ANK2: variants seen among roughly 807,000 people sequenced by gnomAD.
ANK2 encodes the protein ankyrin-2.
A neutral mutation model predicts 360.5 loss-of-function variants in ANK2; 83 were observed. The ratio of observed to expected loss-of-function variants is 0.23; its 90% CI spans 0.19 to 0.28. The LOEUF (loss-of-function observed/expected upper bound fraction) is 0.28. Among genes scored for constraint, ANK2 ranks in the 10% least tolerant of loss-of-function variants. ANK2 has a pLI of 1.00. For missense variants in ANK2, 4,201 were observed against 4,795.7 expected, an observed-to-expected ratio of 0.88 and a Z score of 3.66; for synonymous variants, 1,740 against 1,759.5, an observed-to-expected ratio of 0.99 and a Z score of 0.28.
chr4:113,228,886 T>G (rs1053903798), intron 4 of ANK2, among the ~76,000 whole-genome samples: 3 of 152,156 alleles, frequency 2.0e-5, no homozygotes. Context: ...CTTTGATGGG[T>G]AAATCATGAC....
chr4:113,125,361 C>T (rs2095601755), intron 1 of ANK2, among the ~76,000 whole-genome samples: 1 of 152,016 alleles, frequency 6.6e-6, no homozygotes, highest in African/African-American at 2.4e-5. Flanking sequence ...GCGTTTGAAA[C>T]AAAGTTTAGC....
At chr4:113,140,286 ATTAAT>A (rs141085138) in intron 1 of ANK2, among the ~76,000 whole-genome samples, 15,806 of 152,216 alleles carry the variant, frequency 0.1, 1,002 homozygotes, top group Non-Finnish European at 0.15. Context: ...ATAACCAAAG[ATTAAT>A]TTAATTAGAT....
the ANK2 span, among the ~76,000 whole-genome samples, chr4:112,757,813 A>C: frequency 2.0e-4 from 30 of 152,196 alleles, no homozygotes; most frequent in Non-Finnish European, 2.9e-5. Context: ...CTGTGGATTG[A>C]GAAGCGCTAT....
At chr4:112,877,257 TCAA>T (rs1373744936) in intron 1 of ANK2, among the ~76,000 whole-genome samples, 2 of 152,220 alleles carry the variant, frequency 1.3e-5, no homozygotes, top group African/African-American at 4.8e-5. Context: ...TCCTAAAATG[TCAA>T]CAACAACCAG....
chr4:113,063,977 G>A (rs1023193600), intron 1 of ANK2, among the ~76,000 whole-genome samples: 4 of 151,946 alleles, frequency 2.6e-5, no homozygotes, highest in African/African-American at 9.7e-5. Context: ...TTGAGTTGAC[G>A]TAAAACATCA....
intron 1 of ANK2, among the ~76,000 whole-genome samples, chr4:112,852,735 T>C (rs1195302291): frequency 6.6e-6 from 1 of 152,310 alleles, no homozygotes; most frequent in South Asian, 2.1e-4. Flanking sequence ...AATAATACCC[T>C]TTTCTTCGGT....
At chr4:113,277,958 A>T (rs1196590239) in intron 16 of ANK2, 23 bp downstream of exon 16, 1 of 1,589,222 alleles carries the variant, frequency 6.3e-7, no homozygotes. Flanking sequence ...TATACGTTAT[A>T]ATTATGTAAC....
At chr4:112,898,799 C>G (rs2082449724) in intron 1 of ANK2, among the ~76,000 whole-genome samples, 1 of 152,024 alleles carries the variant, frequency 6.6e-6, no homozygotes, top group Non-Finnish European at 1.5e-5. Flanking sequence ...AGACCTTTTT[C>G]CAAGAGAAAG....
chr4:112,738,193 T>C, the ANK2 span, among the ~76,000 whole-genome samples: 1 of 152,054 alleles, frequency 6.6e-6, no homozygotes, highest in Non-Finnish European at 1.5e-5. Flanking sequence ...GCAGATCACC[T>C]GAGGTCAGGA....
chr4:113,073,052 C>T (rs1377271140), intron 1 of ANK2, among the ~76,000 whole-genome samples: 7 of 147,720 alleles, frequency 4.7e-5, no homozygotes, highest in African/African-American at 1.8e-4. Context: ...ACCTCCGCCT[C>T]CCACGTTCAA....
chr4:112,797,977 C>A, the ANK2 span: 1 of 160,302 alleles, frequency 6.2e-6, no homozygotes, highest in South Asian at 1.9e-4. Context: ...GATTCTTTGC[C>A]GGCTATCAAC....
the ANK2 span, among the ~76,000 whole-genome samples, chr4:112,763,484 G>A: frequency 6.6e-6 from 1 of 151,084 alleles, no homozygotes; most frequent in African/African-American, 2.4e-5. Flanking sequence ...TGCCTGCCTC[G>A]GCCTCCCAAA....
chr4:113,331,878 C>A (rs2092532441), intron 27 of ANK2, 94 bp from the exon 28 acceptor site: 1 of 1,162,896 alleles, frequency 8.6e-7, no homozygotes, highest in Non-Finnish European at 1.3e-6. Flanking sequence ...AAAGTTCACC[C>A]TGTGGATCAG....
rs774446610 is a variant in ANK2 at position 113,277,920 on chromosome 4, A to C, written c.1767A>C (p.Ala589=). The change falls in exon 16 of 46, where the codon GCA becomes GCC. Residue 589 remains alanine (A), a synonymous_variant. Coordinates refer to ENST00000357077, the MANE Select transcript of ANK2 (RefSeq NM_001148.6). ...TTCTCTTGCAACGCCGTGCTGCCGC[A>C]GATTCTGCAGGGAAGGTAAAGATTT... The part of the protein sequence containing the change: ...AKLLLQRRAA[A]DSAGKNGLTP... The C allele has an allele frequency of 6.2e-7, 1 of 1,613,686 alleles. No individual in the cohort carries two copies. Among genetic ancestry groups the C allele is most frequent in the South Asian group, 1.1e-5 (1 of 91,082 alleles).
At chr4:113,032,317 C>A (rs2154305157) in intron 2 of ANK2, among the ~76,000 whole-genome samples, 1 of 148,460 alleles carries the variant, frequency 6.7e-6, no homozygotes, top group South Asian at 2.1e-4. Flanking sequence ...ATGGCGTTGT[C>A]CCAGACTTGG....
intron 1 of ANK2, among the ~76,000 whole-genome samples, chr4:112,885,522 C>T (rs1308615168): frequency 6.8e-6 from 1 of 146,738 alleles, no homozygotes; most frequent in African/African-American, 2.5e-5. Flanking sequence ...ATTAGCCGGG[C>T]ATGGTGGCTC....
At chr4:112,826,748 T>G (rs2058488614) in intron 1 of ANK2, 2 of 884,618 alleles carry the variant, frequency 2.3e-6, no homozygotes, top group Non-Finnish European at 3.6e-6. Flanking sequence ...TTCTTCCATC[T>G]TCTGTTCTAA....
chr4:113,271,134 C>T (rs866461735), intron 14 of ANK2, among the ~76,000 whole-genome samples: 8 of 152,200 alleles, frequency 5.3e-5, no homozygotes, highest in African/African-American at 1.7e-4. Flanking sequence ...TTTCTGCTAA[C>T]GTCATTATCT....
chr4:113,243,617 A>G (rs2041224939), intron 9 of ANK2, among the ~76,000 whole-genome samples: 1 of 152,164 alleles, frequency 6.6e-6, no homozygotes, highest in South Asian at 2.1e-4. Context: ...CTTTTTGCTT[A>G]GTAGGCATGC....
Sources: allele counts gnomAD v4.1 joint callset (sites outside exome capture counted in the v4.1 genomes callset), GRCh38; gene constraint gnomAD v4.1.1; transcripts MANE v1.5; gene names NCBI Gene and HGNC (gene_info 2026-07-23, HGNC 2026-07-21).